The following RAB12 variants were observed in gnomAD, a reference collection of about 807,000 sequenced individuals.
RAB12 encodes the protein RAB12, member RAS oncogene family.
RAB12 carries 11 observed loss-of-function variants against 28.4 expected under a neutral mutation model. The ratio of observed to expected loss-of-function variants is 0.39; its 90% CI spans 0.24 to 0.64. The LOEUF is 0.64. Ranked by LOEUF, RAB12 falls within the 30% of genes least tolerant of loss-of-function variation. The pLI is 0.50. For synonymous variants in RAB12, 138 were observed against 145.3 expected, an observed-to-expected ratio of 0.95 and a Z score of 0.36; for missense variants, 276 against 351.1, an observed-to-expected ratio of 0.79 and a Z score of 1.71.
At chr18:8,622,388 A>G (rs1348286731) in intron 1 of RAB12, among the ~76,000 whole-genome samples, 1 of 152,232 alleles carries the variant, frequency 6.6e-6, no homozygotes, top group African/African-American at 2.4e-5. Context: ...ATAAAGGGAC[A>G]GAGTACAAAA....
intron 1 of RAB12, among the ~76,000 whole-genome samples, chr18:8,612,169 C>T (rs1482669776): frequency 2.0e-5 from 3 of 152,202 alleles, no homozygotes; most frequent in African/African-American, 7.2e-5. Flanking sequence ...GCTGCGTGAC[C>T]GCTTGTCAGG....
chr18:8,622,872 T>C (rs1371178225), intron 1 of RAB12, among the ~76,000 whole-genome samples: 1 of 152,152 alleles, frequency 6.6e-6, no homozygotes, highest in Non-Finnish European at 1.5e-5. Flanking sequence ...CCAGGGATGT[T>C]CCTTGCTGAG....
chr18:8,635,541 A>G lies in RAB12; in HGVS notation c.723A>G (p.Ser241=). The change falls in exon 4 of 6, where the codon TCA becomes TCG. Residue 241 remains serine (S), a synonymous_variant. Transcript: ENST00000649141. ...CTTTTAAAATTCCACAGTATGCTTCAGAAGATGCAGAGCTTCTCTTAGTTG... is the reference window on the plus strand; with the variant it reads ...CTTTTAAAATTCCACAGTATGCTTCGGAAGATGCAGAGCTTCTCTTAGTTG... ...KWMKMIDKYA[S]EDAELLLVGN... is the part of the protein sequence containing the mutation. The G allele has an allele frequency of 1.2e-6, 2 of 1,611,780 alleles. No homozygotes were observed. The highest frequency in any genetic ancestry group is 3.4e-5 in the Admixed American group (2 of 59,644).
intron 1 of RAB12, among the ~76,000 whole-genome samples, chr18:8,619,063 C>T (rs1421650572): frequency 6.6e-6 from 1 of 152,172 alleles, no homozygotes; most frequent in East Asian, 1.9e-4. Flanking sequence ...GGAAGAACAG[C>T]CACTATATAA....
intron 1 of RAB12, among the ~76,000 whole-genome samples, chr18:8,622,187 G>A (rs1373225250): frequency 2.0e-5 from 3 of 152,184 alleles, no homozygotes; most frequent in Non-Finnish European, 4.4e-5. Context: ...AATATCATCT[G>A]CCAGTTATTT....
At chr18:8,620,139 C>CTTTT (rs71165795) in intron 1 of RAB12, among the ~76,000 whole-genome samples, 2,131 of 53,268 alleles carry the variant, frequency 0.04, 10 homozygotes, top group East Asian at 0.055. Context: ...TTTTCTTCTT[C>CTTTT]TTTTTTTTTT....
chr18:8,616,724 C>T (rs2096006884), intron 1 of RAB12, among the ~76,000 whole-genome samples: 1 of 150,018 alleles, frequency 6.7e-6, no homozygotes, highest in Admixed American at 6.6e-5. Context: ...GAAAAAAGAG[C>T]AGCCTGGGCT....
rs2096009862 is a variant in RAB12, at chr18:8,621,555, T to C, written c.515-3383T>C. On this transcript the variant is annotated intron_variant, in intron 1 of 5. Coordinates refer to ENST00000649141, the MANE Select transcript of RAB12 (RefSeq NM_001025300.3). The stretch of plus-strand genomic sequence containing the variant: ...GTTGTGTTGTTAATTGTCATTCATC[T>C]ACTCACTATAAGATAGTCTTCATTT... 2.6e-5 allele frequency among the ~76,000 whole-genome samples: 4 copies of C among 152,254 alleles called. No homozygotes were observed. The South Asian group carries it at 8.3e-4, about 31-fold the overall frequency.
intron 1 of RAB12, among the ~76,000 whole-genome samples, chr18:8,618,376 A>G (rs1257446648): frequency 6.6e-6 from 1 of 152,180 alleles, no homozygotes; most frequent in African/African-American, 2.4e-5. Flanking sequence ...GTTGATCAAA[A>G]TATTTTATAG....
In RAB12 at chr18:8,635,613, G is replaced by C; in HGVS notation, c.795G>C (p.Gln265His). 3.1e-6 allele frequency: 5 copies of C among 1,611,510 alleles called. No homozygotes were observed. Among genetic ancestry groups the C allele is most frequent in the Non-Finnish European group, 4.2e-6 (5 of 1,178,656 alleles). The change falls in exon 4 of 6, where the codon CAG becomes CAC. Residue 265 changes from glutamine (Q) to histidine (H), a missense_variant. By Grantham distance (24) the Gln-to-His change is conservative (BLOSUM62 0). Around this residue, in one of 4 missense-constraint regions of RAB12, gnomAD observed 127 missense variants for 161.4 expected, o/e 0.79. Transcript: ENST00000649141. ...CGGACAGAGAAATCACCAGGCAGCA[G>C]GGGGAAAAGGTGAGAGGGCGTGGGA... ...CETDREITRQ[Q>H]GEKFAQQITG...
Position 8,638,331 on chromosome 18 carries a change from A to T in RAB12, c.*69A>T, listed in dbSNP as rs2096020161. ...GAAAAAACGTTCTATTCTGCACTAC[A>T]ATCATTTTGACAATTTCCTTTCGCA... On this transcript the variant is annotated 3_prime_UTR_variant, in exon 6 of 6. Transcript: ENST00000649141. 3 of 1,072,322 alleles carry T rather than the reference A, an allele frequency of 2.8e-6. No homozygotes were observed. In the East Asian group the frequency reaches 7.3e-5, roughly 26 times the overall value. The allele number at this position is 1,072,322 out of a possible 1,614,324, so 66.4% of individuals were successfully genotyped here. A position where few individuals can be genotyped will look rare whatever the true frequency, so the allele number is the denominator to read the frequency against.
chr18:8,638,122 ATTT>A (rs745763608), intron 5 of RAB12, 24 bp from the exon 6 acceptor site: 1 of 1,503,572 alleles, frequency 6.7e-7, no homozygotes, highest in East Asian at 2.3e-5. Flanking sequence ...GTTAAAACGG[ATTT>A]TTTTTTGTTT....
intron 2 of RAB12, among the ~76,000 whole-genome samples, chr18:8,630,129 G>A (rs1234167335): frequency 6.6e-6 from 1 of 152,188 alleles, no homozygotes; most frequent in African/African-American, 2.4e-5. Flanking sequence ...CCAGGGCTAA[G>A]GACACACCTA....
Position 8,638,456 on chromosome 18 carries a change from A to G in RAB12, c.*194A>G. ...TAAGTTACCTATTTCCCTCCAAATT[A>G]TTATATTTCATTCATTACCCCAGTG... On this transcript the variant is annotated 3_prime_UTR_variant, in exon 6 of 6. Transcript: ENST00000649141. The G allele has an allele frequency of 1.8e-6, 1 of 550,452 alleles. No homozygotes were observed. The allele number at this position is 550,452 out of a possible 1,614,324, so 34.1% of individuals were successfully genotyped here.
At chr18:8,618,376 A>C (rs1257446648) in intron 1 of RAB12, among the ~76,000 whole-genome samples, 1 of 152,180 alleles carries the variant, frequency 6.6e-6, no homozygotes. Context: ...GTTGATCAAA[A>C]TATTTTATAG....
intron 1 of RAB12, among the ~76,000 whole-genome samples, chr18:8,612,816 G>A (rs1047787094): frequency 5.9e-5 from 9 of 152,158 alleles, no homozygotes; most frequent in Non-Finnish European, 1.2e-4. Context: ...GACTGCAGGT[G>A]CACACCACCA....
At chr18:8,623,369 C>T (rs908230472) in intron 1 of RAB12, among the ~76,000 whole-genome samples, 1 of 152,228 alleles carries the variant, frequency 6.6e-6, no homozygotes. Context: ...TCCCTGACTT[C>T]CCGCAACAAT....
In RAB12 at chr18:8,638,784, T is replaced by C. The variant is rs999656879; in HGVS notation, c.*522T>C. 1.3e-5 allele frequency: 2 copies of C among 153,296 alleles called. No homozygotes were observed. The highest frequency in any genetic ancestry group is 2.9e-5 in the Non-Finnish European group (2 of 68,596). 9.5% of individuals were successfully genotyped at this position (153,296 alleles called of 1,614,324 possible). ...CTGCCACGAAGCAAAGCTCCATTCA[T>C]GGCCGTCATGGAAGGTTATTTATTA... On this transcript the variant is annotated 3_prime_UTR_variant, in exon 6 of 6. Coordinates refer to ENST00000649141, the MANE Select transcript of RAB12 (RefSeq NM_001025300.3).
chr18:8,619,164 A>G (rs2096008373), intron 1 of RAB12, among the ~76,000 whole-genome samples: 1 of 152,168 alleles, frequency 6.6e-6, no homozygotes, highest in African/African-American at 2.4e-5. Flanking sequence ...CAACTTCTTG[A>G]AAGTATTAAG....
Sources: allele counts gnomAD v4.1 joint callset (sites outside exome capture counted in the v4.1 genomes callset), GRCh38; gene constraint gnomAD v4.1.1; regional missense constraint gnomAD v4.1.1; transcripts MANE v1.5; gene names NCBI Gene and HGNC (gene_info 2026-07-23, HGNC 2026-07-21).